MAPK8: variants seen among roughly 807,000 people sequenced by gnomAD.
MAPK8 encodes mitogen-activated protein kinase 8.
In MAPK8, 13 loss-of-function variants were observed where a neutral mutation model predicts 52.9. The ratio of observed to expected loss-of-function variants is 0.25; its 90% CI spans 0.16 to 0.39. MAPK8 has a LOEUF of 0.39. Among genes scored for constraint, MAPK8 ranks in the 10% least tolerant of loss-of-function variants. The pLI is 1.00. For missense variants in MAPK8, 300 were observed against 519.2 expected (o/e 0.58, Z 4.10); for synonymous variants, 191 against 169.8 (o/e 1.12, Z -0.97).
In MAPK8 at chr10:48,435,005, T is replaced by C; in HGVS notation, c.1260T>C (p.Ala420=). Residue 420 remains alanine (A), a synonymous_variant, in exon 12 of 12, where the codon GCT becomes GCC. Transcript: ENST00000374189. ...CAGACAGCAGTCTAGAAGCAGCAGC[T>C]GGGCCTCTGGGCTGCTGTAGATGAC... ...SDTDSSLEAA[A]GPLGCCR 1 of 1,317,808 alleles carries C rather than the reference T, an allele frequency of 7.6e-7. No individual in the cohort carries two copies. Among genetic ancestry groups the C allele is most frequent in the Non-Finnish European group, 1.0e-6 (1 of 1,004,158 alleles). The allele number at this position is 1,317,808 out of a possible 1,614,324, so 81.6% of individuals were successfully genotyped here.
intron 1 of MAPK8, among the ~76,000 whole-genome samples, chr10:48,317,822 C>T (rs56195836): frequency 0.081 from 12,316 of 152,134 alleles, 653 homozygotes; most frequent in Non-Finnish European, 0.11. Context: ...GAGATTCATA[C>T]GGGCAGAAAG....
At chr10:48,373,071 G>A (rs913216912) in intron 1 of MAPK8, among the ~76,000 whole-genome samples, 4 of 152,036 alleles carry the variant, frequency 2.6e-5, no homozygotes, top group Admixed American at 1.3e-4. Context: ...AATAGAGTGG[G>A]GGCTAATATT....
intron 1 of MAPK8, among the ~76,000 whole-genome samples, chr10:48,313,067 C>T (rs181930519): frequency 2.1e-3 from 319 of 152,306 alleles, no homozygotes; most frequent in Non-Finnish European, 2.6e-3. Flanking sequence ...TGTAGCACAT[C>T]TACCGTGTTA....
chr10:48,436,397 C>T lies in MAPK8; in HGVS notation c.*1368C>T, dbSNP rs1231948834. On this transcript the variant is annotated 3_prime_UTR_variant, in exon 12 of 12. Coordinates refer to ENST00000374189, the MANE Select transcript of MAPK8 (RefSeq NM_001323329.2). ...GTAGAATTATTTCTCTATTACTGAA[C>T]TTTTCCTAAGTAAAATGTCTTTGAA... 6.6e-6 allele frequency: 1 copy of T among 152,154 alleles called. No homozygotes were observed. The highest frequency in any genetic ancestry group is 1.5e-5 in the Non-Finnish European group (1 of 68,026). 9.4% of individuals were successfully genotyped at this position (152,154 alleles called of 1,614,324 possible). A position where few individuals can be genotyped will look rare whatever the true frequency, so the allele number is the denominator to read the frequency against.
intron 1 of MAPK8, among the ~76,000 whole-genome samples, chr10:48,387,992 T>G (rs1368746227): frequency 1.3e-5 from 2 of 152,160 alleles, no homozygotes; most frequent in Admixed American, 1.3e-4. Flanking sequence ...TGTGTACATA[T>G]ACACTCTTGA....
chr10:48,330,222 A>G (rs1036042459), intron 1 of MAPK8, among the ~76,000 whole-genome samples: 1 of 152,218 alleles, frequency 6.6e-6, no homozygotes, highest in Non-Finnish European at 1.5e-5. Flanking sequence ...AATAATTTTT[A>G]TAAAATAAGA....
Position 48,404,833 on chromosome 10 carries a change from T to C in MAPK8, c.123-19T>C. On this transcript the variant is annotated intron_variant, in intron 2 of 11. Coordinates refer to ENST00000374189, the MANE Select transcript of MAPK8 (RefSeq NM_001323329.2). ...TTTGCTTGAAGTTTTTTTGTGTGTTTTTGAATTTCTTATTACAGCGCAGCT... is the reference window on the plus strand; with the variant it reads ...TTTGCTTGAAGTTTTTTTGTGTGTTCTTGAATTTCTTATTACAGCGCAGCT... 1.3e-6 allele frequency: 2 copies of C among 1,580,082 alleles called. No individual in the cohort carries two copies. The highest frequency in any genetic ancestry group is 1.2e-5 in the South Asian group (1 of 85,852).
chr10:48,436,875 T>A lies in MAPK8; in HGVS notation c.*1846T>A, dbSNP rs1192738175. 1 of 152,228 alleles carries A rather than the reference T, an allele frequency of 6.6e-6. No individual in the cohort carries two copies. The highest frequency in any genetic ancestry group is 1.5e-5 in the Non-Finnish European group (1 of 68,036). The allele number at this position is 152,228 out of a possible 1,614,324, so 9.4% of individuals were successfully genotyped here. A position where few individuals can be genotyped will look rare whatever the true frequency, so the allele number is the denominator to read the frequency against. On this transcript the variant is annotated 3_prime_UTR_variant, in exon 12 of 12. Transcript: ENST00000374189. ...GAGTTCTAAGACACTTCTTGAATTG[T>A]AGACAGAAAATATTGGATTCACAAT...
chr10:48,377,912 G>A (rs2040769761), intron 1 of MAPK8, among the ~76,000 whole-genome samples: 1 of 152,150 alleles, frequency 6.6e-6, no homozygotes, highest in African/African-American at 2.4e-5. Flanking sequence ...ATTGTAAGGT[G>A]TGTGGCATTT....
At chr10:48,351,085 G>C (rs989656117) in intron 1 of MAPK8, among the ~76,000 whole-genome samples, 3 of 152,050 alleles carry the variant, frequency 2.0e-5, no homozygotes, top group Admixed American at 2.0e-4. Flanking sequence ...TCTTCAAGGA[G>C]AACTGCCAGC....
At chr10:48,409,961 G>T in intron 4 of MAPK8, 24 bp downstream of exon 4, 1 of 1,608,734 alleles carries the variant, frequency 6.2e-7, no homozygotes, top group Non-Finnish European at 8.5e-7. Flanking sequence ...TTAAAATTTT[G>T]TTAAGTTAGT....
rs978758365 is a variant in MAPK8, at chr10:48,359,713, GA to G, written c.-49-41891del. 7.2e-5 allele frequency among the ~76,000 whole-genome samples: 11 copies of G among 151,848 alleles called. No individual in the cohort carries two copies. In the East Asian group the frequency reaches 1.9e-3, roughly 27 times the overall value. On this transcript the variant is annotated intron_variant, in intron 1 of 11. Coordinates refer to ENST00000374189, the MANE Select transcript of MAPK8 (RefSeq NM_001323329.2). ...TGCTAGGTTAATCGGATAGACACAT[GA>G]AAAAAAATAAATTGGATACCTTCCT...
chr10:48,309,168 G>A (rs903403125), intron 1 of MAPK8, among the ~76,000 whole-genome samples: 1 of 152,092 alleles, frequency 6.6e-6, no homozygotes, highest in East Asian at 1.9e-4. Context: ...CAAATTGTTG[G>A]TTTTTAAAAA....
chr10:48,389,328 G>C (rs899339643), intron 1 of MAPK8, among the ~76,000 whole-genome samples: 1 of 152,146 alleles, frequency 6.6e-6, no homozygotes, highest in Non-Finnish European at 1.5e-5. Flanking sequence ...AAAGTAGTGA[G>C]ACTTCATTCG....
chr10:48,379,341 A>G (rs2040853116), intron 1 of MAPK8, among the ~76,000 whole-genome samples: 1 of 152,206 alleles, frequency 6.6e-6, no homozygotes, highest in Admixed American at 6.5e-5. Context: ...CTATAAAGTC[A>G]ACCTTAATTC....
At chr10:48,406,854 C>T (rs908548165) in intron 3 of MAPK8, among the ~76,000 whole-genome samples, 4 of 152,166 alleles carry the variant, frequency 2.6e-5, no homozygotes, top group African/African-American at 4.8e-5. Context: ...ACCTAGCACA[C>T]AGTACTGCAC....
chr10:48,404,333 A>G (rs1319006070), intron 2 of MAPK8, among the ~76,000 whole-genome samples: 2 of 149,214 alleles, frequency 1.3e-5, no homozygotes, highest in Non-Finnish European at 3.0e-5. Flanking sequence ...ATTTTTTTGT[A>G]TTTTAGTAGA....
intron 1 of MAPK8, among the ~76,000 whole-genome samples, chr10:48,323,331 G>A (rs961730305): frequency 1.1e-4 from 17 of 152,126 alleles, no homozygotes; most frequent in African/African-American, 3.9e-4. Context: ...TTGTGGGGGT[G>A]GCTTTGAGAA....
At chr10:48,422,749 A>G (rs1183223453) in intron 6 of MAPK8, among the ~76,000 whole-genome samples, 2 of 152,102 alleles carry the variant, frequency 1.3e-5, no homozygotes, top group Admixed American at 1.3e-4. Flanking sequence ...TGAAAGCTGA[A>G]CCATGACATA....
Sources: allele counts gnomAD v4.1 joint callset (sites outside exome capture counted in the v4.1 genomes callset), GRCh38; gene constraint gnomAD v4.1.1; transcripts MANE v1.5; gene names NCBI Gene and HGNC (gene_info 2026-07-23, HGNC 2026-07-21).